Variants in MIS18A observed in about 807,000 individuals in gnomAD.
MIS18A encodes protein Mis18-alpha.
MIS18A carries 14 observed loss-of-function variants against 25.0 expected under a neutral mutation model. The ratio of observed to expected loss-of-function variants is 0.56; its 90% CI spans 0.37 to 0.88. The LOEUF is 0.88. MIS18A is among the 40% of genes least tolerant of loss of function. MIS18A has a pLI of 0.00. For missense variants in MIS18A, 292 were observed against 290.8 expected (o/e 1.00, Z -0.03); for synonymous variants, 134 against 118.6 (o/e 1.13, Z -0.84).
At chr21:32,227,359 G>T in the MIS18A span, among the ~76,000 whole-genome samples, 2 of 151,428 alleles carry the variant, frequency 1.3e-5, no homozygotes, top group Non-Finnish European at 2.9e-5. Context: ...ACTAAAATTA[G>T]AAATGATATA....
the MIS18A span, among the ~76,000 whole-genome samples, chr21:32,190,772 AT>A: frequency 2.0e-5 from 3 of 152,214 alleles, no homozygotes; most frequent in Admixed American, 6.5e-5. Flanking sequence ...CAGAGAAGCT[AT>A]GAGAATAGTT....
the MIS18A span, among the ~76,000 whole-genome samples, chr21:32,262,252 A>G: frequency 6.6e-6 from 1 of 152,224 alleles, no homozygotes; most frequent in African/African-American, 2.4e-5. Flanking sequence ...GTTAAGTGCT[A>G]TCTTAGAAAA....
the MIS18A span, among the ~76,000 whole-genome samples, chr21:32,235,254 G>A: frequency 6.6e-6 from 1 of 152,172 alleles, no homozygotes; most frequent in African/African-American, 2.4e-5. Context: ...TTCACCTGAG[G>A]CGGCCAGCAA....
chr21:32,206,257 A>G, the MIS18A span, among the ~76,000 whole-genome samples: 23,344 of 152,044 alleles, frequency 0.15, 1,884 homozygotes, highest in East Asian at 0.24. Flanking sequence ...AAGGAAAAGT[A>G]TTTTCCATCC....
the MIS18A span, among the ~76,000 whole-genome samples, chr21:32,249,072 T>C: frequency 1.3e-5 from 2 of 152,162 alleles, no homozygotes; most frequent in Non-Finnish European, 2.9e-5. Context: ...TGCATAGCTG[T>C]CATTAAACTT....
chr21:32,274,046 T>C (rs1479563623), intron 2 of MIS18A, among the ~76,000 whole-genome samples: 1 of 152,120 alleles, frequency 6.6e-6, no homozygotes, highest in Non-Finnish European at 1.5e-5. Context: ...TGTTTGCTCT[T>C]GCCACAAACA....
chr21:32,168,154 A>G, the MIS18A span, among the ~76,000 whole-genome samples: 1 of 152,192 alleles, frequency 6.6e-6, no homozygotes, highest in East Asian at 1.9e-4. Context: ...AAAGGCAGCC[A>G]TCTGCAAGCG....
the MIS18A span, among the ~76,000 whole-genome samples, chr21:32,254,670 A>C: frequency 6.6e-6 from 1 of 152,254 alleles, no homozygotes; most frequent in African/African-American, 2.4e-5. Flanking sequence ...TAAGAAAACT[A>C]ACCAGAGGGA....
chr21:32,169,359 G>A, the MIS18A span, among the ~76,000 whole-genome samples: 1 of 152,114 alleles, frequency 6.6e-6, no homozygotes, highest in Non-Finnish European at 1.5e-5. Context: ...ACCTGACTCA[G>A]AGCTCACTCA....
chr21:32,210,641 T>C, the MIS18A span, among the ~76,000 whole-genome samples: 2 of 152,326 alleles, frequency 1.3e-5, no homozygotes, highest in East Asian at 3.9e-4. Context: ...CATTGTTCAC[T>C]TGGAACAGTG....
chr21:32,177,562 C>A, the MIS18A span, among the ~76,000 whole-genome samples: 1 of 152,066 alleles, frequency 6.6e-6, no homozygotes, highest in African/African-American at 2.4e-5. Context: ...GAAGAACTTG[C>A]AGACAGTTGA....
the MIS18A span, among the ~76,000 whole-genome samples, chr21:32,158,786 T>G: frequency 3.3e-5 from 5 of 152,148 alleles, no homozygotes; most frequent in Non-Finnish European, 7.3e-5. Flanking sequence ...GATTTCTTTT[T>G]AATTATAGCC....
chr21:32,183,003 G>A, the MIS18A span, among the ~76,000 whole-genome samples: 1,703 of 152,196 alleles, frequency 0.011, 17 homozygotes, highest in Non-Finnish European at 0.019. Flanking sequence ...ATTTCTTCTG[G>A]GGATTAGTTT....
At chr21:32,263,325 G>C (rs984564035), downstream of MIS18A, among the ~76,000 whole-genome samples, 1 of 152,244 alleles carries the variant, frequency 6.6e-6, no homozygotes, top group Non-Finnish European at 1.5e-5. Flanking sequence ...ACTGGACACA[G>C]TGGCTCACGC....
At chr21:32,230,061 G>A in the MIS18A span, among the ~76,000 whole-genome samples, 1,106 of 152,252 alleles carry the variant, frequency 7.3e-3, 11 homozygotes, top group Middle Eastern at 0.044. Context: ...AACTCAAGTC[G>A]TCTGACCATT....
the MIS18A span, among the ~76,000 whole-genome samples, chr21:32,231,146 G>A: frequency 4.0e-5 from 6 of 150,130 alleles, no homozygotes; most frequent in Non-Finnish European, 7.4e-5. Context: ...CTGAGGCAGA[G>A]AATCCCTTGA....
chr21:32,226,262 C>A, the MIS18A span, among the ~76,000 whole-genome samples: 1 of 136,356 alleles, frequency 7.3e-6, no homozygotes. Flanking sequence ...CACATGTACC[C>A]TAAAACTTAA....
the MIS18A span, among the ~76,000 whole-genome samples, chr21:32,166,308 G>T: frequency 6.6e-6 from 1 of 152,186 alleles, no homozygotes; most frequent in African/African-American, 2.4e-5. Flanking sequence ...GTGATAAATT[G>T]TATTACAAAT....
chr21:32,195,587 A>G, the MIS18A span, among the ~76,000 whole-genome samples: 1 of 152,188 alleles, frequency 6.6e-6, no homozygotes, highest in Admixed American at 6.5e-5. Context: ...CCTTTCTGGA[A>G]CTTTCTGACA....
Sources: allele counts gnomAD v4.1 joint callset (sites outside exome capture counted in the v4.1 genomes callset), GRCh38; gene constraint gnomAD v4.1.1; transcripts MANE v1.5; gene names NCBI Gene and HGNC (gene_info 2026-07-23, HGNC 2026-07-21).